MFHAS1: variants seen among roughly 807,000 people sequenced by gnomAD.
MFHAS1 encodes malignant fibrous histiocytoma-amplified sequence 1.
In MFHAS1, 50 loss-of-function variants were observed where a neutral mutation model predicts 70.4. That is an observed-to-expected ratio of 0.71 (90% CI 0.57 to 0.90). The LOEUF (loss-of-function observed/expected upper bound fraction) is 0.90, where lower values mean the gene tolerates loss of function less well. Ranked by LOEUF, MFHAS1 falls within the 40% of genes least tolerant of loss-of-function variation. MFHAS1 has a pLI of 0.00. For missense variants in MFHAS1, 1,795 were observed against 1,347.6 expected, an observed-to-expected ratio of 1.33 and a Z score of -5.20; for synonymous variants, 952 against 620.0, an observed-to-expected ratio of 1.54 and a Z score of -7.96.
At chr8:8,871,618 A>C (rs1298727821) in intron 1 of MFHAS1, among the ~76,000 whole-genome samples, 3 of 152,196 alleles carry the variant, frequency 2.0e-5, no homozygotes, top group South Asian at 2.1e-4. Context: ...ACATCTAAGG[A>C]GACTCTGATA....
At chr8:8,849,271 G>A (rs1172733154) in intron 1 of MFHAS1, among the ~76,000 whole-genome samples, 1 of 151,916 alleles carries the variant, frequency 6.6e-6, no homozygotes, top group African/African-American at 2.4e-5. Context: ...AATAGAGACA[G>A]GGTTTTGCCA....
intron 1 of MFHAS1, among the ~76,000 whole-genome samples, chr8:8,825,990 T>A (rs1807143502): frequency 6.6e-6 from 1 of 152,198 alleles, no homozygotes; most frequent in Non-Finnish European, 1.5e-5. Context: ...AGAGGTTAAA[T>A]GACCTGGTTC....
intron 1 of MFHAS1, among the ~76,000 whole-genome samples, chr8:8,884,634 G>C (rs1265316812): frequency 2.0e-5 from 3 of 152,130 alleles, no homozygotes; most frequent in Admixed American, 2.0e-4. Context: ...AATACTACCT[G>C]GGATTTTCAC....
chr8:8,882,212 T>C (rs905088765), intron 1 of MFHAS1, among the ~76,000 whole-genome samples: 4 of 151,132 alleles, frequency 2.6e-5, no homozygotes, highest in African/African-American at 7.3e-5. Context: ...GAAACCCCCA[T>C]CTCTACTAAA....
intron 2 of MFHAS1, among the ~76,000 whole-genome samples, chr8:8,790,849 G>A (rs192764313): frequency 2.0e-5 from 3 of 152,136 alleles, no homozygotes; most frequent in Non-Finnish European, 4.4e-5. Flanking sequence ...TACTGCAACT[G>A]GTCTTAAATG....
intron 1 of MFHAS1, among the ~76,000 whole-genome samples, chr8:8,878,637 T>C (rs887033130): frequency 4.0e-5 from 6 of 151,258 alleles, no homozygotes; most frequent in African/African-American, 1.2e-4. Context: ...TCCCTTTCCA[T>C]TGCGTTTTTA....
At chr8:8,875,897 T>C (rs1809272058) in intron 1 of MFHAS1, among the ~76,000 whole-genome samples, 1 of 152,140 alleles carries the variant, frequency 6.6e-6, no homozygotes, top group Non-Finnish European at 1.5e-5. Context: ...TATAAGTTTT[T>C]ATAAAGGGGA....
intron 1 of MFHAS1, among the ~76,000 whole-genome samples, chr8:8,850,213 A>C (rs908976299): frequency 2.0e-5 from 3 of 152,220 alleles, no homozygotes; most frequent in Admixed American, 1.3e-4. Flanking sequence ...CTTGTAAACT[A>C]TTAACTCTCA....
intron 2 of MFHAS1, among the ~76,000 whole-genome samples, chr8:8,789,397 T>G (rs560341051): frequency 2.0e-5 from 3 of 152,202 alleles, no homozygotes; most frequent in South Asian, 4.1e-4. Flanking sequence ...TGTACACCTG[T>G]GAAGCCTACA....
At chr8:8,829,874 AG>A (rs1807307034) in intron 1 of MFHAS1, among the ~76,000 whole-genome samples, 1 of 152,210 alleles carries the variant, frequency 6.6e-6, no homozygotes, top group Non-Finnish European at 1.5e-5. Flanking sequence ...GCCTCACGTG[AG>A]GTCACGTTCA....
chr8:8,849,144 G>C (rs146394997), intron 1 of MFHAS1, among the ~76,000 whole-genome samples: 2 of 123,992 alleles, frequency 1.6e-5, no homozygotes, highest in African/African-American at 3.0e-5. Flanking sequence ...GCAATGGCAC[G>C]ATCTCAGCTC....
At chr8:8,887,714 G>C (rs1247038972) in intron 1 of MFHAS1, among the ~76,000 whole-genome samples, 1 of 150,976 alleles carries the variant, frequency 6.6e-6, no homozygotes, top group Non-Finnish European at 1.5e-5. Flanking sequence ...TTATAGCCTG[G>C]ATTGCAAAAC....
chr8:8,892,958 A>G lies in MFHAS1; in HGVS notation c.101T>C (p.Leu34Pro). The change falls in exon 1 of 3, where the codon CTT becomes CCT. Residue 34 changes from leucine to proline, a missense_variant. Leu to Pro is a moderately conservative substitution (Grantham distance 98). Transcript: ENST00000276282. The surrounding 1 kb of genome is among the most constrained non-coding windows in gnomAD (Gnocchi z 4.7). ...CCCGGGGCAGGCCCCGGCGGCGGTA[A>G]GCGTGAGCTGGCGCAGGTTGCTCCG... The part of the protein sequence containing the change: ...KLRSNLRQLT[L>P]TAAGACPGAG... 6.5e-7 allele frequency: 1 copy of G among 1,543,386 alleles called. No homozygotes were observed. The highest frequency in any genetic ancestry group is 8.7e-7 in the Non-Finnish European group (1 of 1,147,240).
intron 2 of MFHAS1, among the ~76,000 whole-genome samples, chr8:8,788,608 G>A (rs1214649401): frequency 6.6e-6 from 1 of 152,240 alleles, no homozygotes; most frequent in African/African-American, 2.4e-5. Flanking sequence ...GAACCCAGGA[G>A]GCGGAGGGTG....
intron 1 of MFHAS1, among the ~76,000 whole-genome samples, chr8:8,808,725 AC>A (rs1806431413): frequency 6.6e-6 from 1 of 152,250 alleles, no homozygotes; most frequent in African/African-American, 2.4e-5. Flanking sequence ...AAAAGACATT[AC>A]ATTTGTGGGC....
At chr8:8,802,565 C>A (rs941311337) in intron 1 of MFHAS1, among the ~76,000 whole-genome samples, 7 of 152,184 alleles carry the variant, frequency 4.6e-5, no homozygotes, top group African/African-American at 1.7e-4. Context: ...TTACCAACCT[C>A]CCACACTGTG....
Position 8,891,242 on chromosome 8 carries a change from C to A in MFHAS1, c.1817G>T (p.Arg606Leu), listed in dbSNP as rs753481897. Residue 606 changes from arginine (R) to leucine (L), a missense_variant, in exon 1 of 3, where the codon CGC (arginine) becomes CTC (leucine). Transcript: ENST00000276282. The surrounding 1 kb of genome is among the most constrained non-coding windows in gnomAD (Gnocchi z 5.4). ...YGVSDKNLRR[R>L]KAHFQYLLNH... ...GAGCAGGTATTGAAAATGGGCCTTGCGCCGTCGAAGGTTCTTGTCCGAAAC... is the reference window on the plus strand; with the variant it reads ...GAGCAGGTATTGAAAATGGGCCTTGAGCCGTCGAAGGTTCTTGTCCGAAAC... 1 of 1,612,122 alleles carries A rather than the reference C, an allele frequency of 6.2e-7. No homozygotes were observed. Among genetic ancestry groups the A allele is most frequent in the Non-Finnish European group, 8.5e-7 (1 of 1,180,014 alleles).
rs137896964 is a variant in MFHAS1, at chr8:8,832,627, CTTTTT to C, written c.2999-35141_2999-35137del. On this transcript the variant is annotated intron_variant, in intron 1 of 2. Transcript: ENST00000276282. ...CATGTGATGCAACCAGAATTTTTTT[CTTTTT>C]TTTTTTTTTTTTTCAAGACAGAGTC... 4.1e-4 allele frequency among the ~76,000 whole-genome samples: 50 copies of C among 121,920 alleles called. No individual in the cohort carries two copies. The East Asian group carries it at 9.4e-3, about 23-fold the overall frequency. 80.0% of individuals were successfully genotyped at this position (121,920 alleles called of 152,430 possible).
At chr8:8,788,733 A>C (rs1805632341) in intron 2 of MFHAS1, among the ~76,000 whole-genome samples, 1 of 152,240 alleles carries the variant, frequency 6.6e-6, no homozygotes, top group South Asian at 2.1e-4. Flanking sequence ...GACTGGTTAC[A>C]GTTAGGATGG....
Sources: gnomAD v4.1 joint callset for allele counts (sites outside exome capture counted in the v4.1 genomes callset) on GRCh38, gnomAD v4.1.1 for gene constraint, Gnocchi (gnomAD v3.1) non-coding constraint, MANE v1.5 for transcripts, NCBI Gene and HGNC (gene_info 2026-07-23, HGNC 2026-07-21) for gene names.